The following CAMK2D variants were observed in gnomAD, a reference collection of about 807,000 sequenced individuals.
CAMK2D encodes calcium/calmodulin-dependent protein kinase type II subunit delta.
In CAMK2D, 37 loss-of-function variants were observed where a neutral mutation model predicts 84.0. That is an observed-to-expected ratio of 0.44 (90% CI 0.34 to 0.58). CAMK2D has a LOEUF of 0.58. Ranked by LOEUF, CAMK2D falls within the 20% of genes least tolerant of loss-of-function variation. The probability of loss-of-function intolerance (pLI) is 0.02; values close to 1 mark genes in which losing one functional copy is unlikely to be tolerated. For synonymous variants in CAMK2D, 202 were observed against 212.5 expected, an observed-to-expected ratio of 0.95 and a Z score of 0.43; for missense variants, 448 against 652.5, an observed-to-expected ratio of 0.69 and a Z score of 3.41.
At chr4:113,605,284 A>G (rs1292567961) in intron 4 of CAMK2D, among the ~76,000 whole-genome samples, 2 of 152,168 alleles carry the variant, frequency 1.3e-5, no homozygotes, top group South Asian at 2.1e-4. Flanking sequence ...TTGAAGCCCA[A>G]ATTCTTTTAA....
intron 4 of CAMK2D, among the ~76,000 whole-genome samples, chr4:113,603,398 T>A (rs1395910077): frequency 1.1e-4 from 12 of 112,672 alleles, no homozygotes; most frequent in African/African-American, 4.2e-4. Flanking sequence ...GTCCCCAGAG[T>A]GTGATGTTCC....
At chr4:113,508,113 C>G in intron 13 of CAMK2D, 1 of 682,342 alleles carries the variant, frequency 1.5e-6, no homozygotes, top group South Asian at 1.8e-5. Flanking sequence ...TGATAGTTGA[C>G]TAACACTGAC....
intron 4 of CAMK2D, among the ~76,000 whole-genome samples, chr4:113,587,296 T>C (rs1000210047): frequency 3.1e-4 from 47 of 152,152 alleles, no homozygotes; most frequent in African/African-American, 1.1e-3. Flanking sequence ...TTCACTCTTA[T>C]TAAGGCCAGA....
intron 3 of CAMK2D, among the ~76,000 whole-genome samples, chr4:113,661,102 G>A (rs899803587): frequency 6.6e-6 from 1 of 152,068 alleles, no homozygotes; most frequent in Non-Finnish European, 1.5e-5. Flanking sequence ...GCCTGTAGCT[G>A]AACAATTCTT....
intron 2 of CAMK2D, among the ~76,000 whole-genome samples, chr4:113,751,502 C>T (rs953284025): frequency 6.6e-6 from 1 of 152,070 alleles, no homozygotes; most frequent in Non-Finnish European, 1.5e-5. Context: ...CCAGGTGCGG[C>T]GGCTAACACC....
At chr4:113,646,698 A>C (rs543147855) in intron 3 of CAMK2D, among the ~76,000 whole-genome samples, 4 of 152,318 alleles carry the variant, frequency 2.6e-5, no homozygotes, top group South Asian at 4.1e-4. Flanking sequence ...TAAGATCAGA[A>C]GAACAATAAG....
At chr4:113,496,412 G>A (rs2097931566) in intron 16 of CAMK2D, among the ~76,000 whole-genome samples, 1 of 149,228 alleles carries the variant, frequency 6.7e-6, no homozygotes, top group East Asian at 2.0e-4. Context: ...GTGCTTCCAT[G>A]ATGGTAATTA....
At chr4:113,594,643 T>TTTGA (rs1304638065) in intron 4 of CAMK2D, among the ~76,000 whole-genome samples, 1 of 152,200 alleles carries the variant, frequency 6.6e-6, no homozygotes, top group Non-Finnish European at 1.5e-5. Context: ...GGAGAATGTC[T>TTTGA]TTGATAGGCT....
At chr4:113,577,764 T>G (rs1445743585) in intron 4 of CAMK2D, among the ~76,000 whole-genome samples, 1 of 152,134 alleles carries the variant, frequency 6.6e-6, no homozygotes, top group Non-Finnish European at 1.5e-5. Context: ...CTATTTTTTT[T>G]TTTTAGATCT....
At chr4:113,489,281 C>A (rs923477529) in intron 16 of CAMK2D, among the ~76,000 whole-genome samples, 1 of 116,172 alleles carries the variant, frequency 8.6e-6, no homozygotes, top group African/African-American at 3.1e-5. Flanking sequence ...CGATGCTATC[C>A]CTCCCCCCTC....
intron 2 of CAMK2D, among the ~76,000 whole-genome samples, chr4:113,742,486 G>A (rs1190343470): frequency 6.6e-6 from 1 of 151,054 alleles, no homozygotes; most frequent in Non-Finnish European, 1.5e-5. Flanking sequence ...GAATAATAAA[G>A]TGGAAAAAAC....
intron 16 of CAMK2D, among the ~76,000 whole-genome samples, chr4:113,469,109 A>C (rs2097515113): frequency 6.6e-6 from 1 of 152,176 alleles, no homozygotes; most frequent in South Asian, 2.1e-4. Flanking sequence ...CTCTTGTTCT[A>C]AGAGGCCTGG....
At chr4:113,661,924 A>C (rs1370709981) in intron 2 of CAMK2D, among the ~76,000 whole-genome samples, 152 bp from the exon 3 acceptor site, 1 of 152,182 alleles carries the variant, frequency 6.6e-6, no homozygotes, top group African/African-American at 2.4e-5. Context: ...AATTAAGTGA[A>C]TAGCACATAG....
intron 4 of CAMK2D, among the ~76,000 whole-genome samples, chr4:113,607,942 G>T (rs887702456): frequency 1.7e-4 from 26 of 152,238 alleles, no homozygotes; most frequent in Non-Finnish European, 5.9e-5. Flanking sequence ...ATTTGTCAAT[G>T]CCAGTTGTAA....
intron 4 of CAMK2D, among the ~76,000 whole-genome samples, chr4:113,567,866 GTT>G (rs1342600577): frequency 6.6e-6 from 1 of 152,136 alleles, no homozygotes; most frequent in African/African-American, 2.4e-5. Flanking sequence ...ATAAACATTA[GTT>G]ATAATTATTA....
intron 17 of CAMK2D, among the ~76,000 whole-genome samples, chr4:113,462,322 G>GTCTATCTATCTA (rs1193252796): frequency 5.7e-5 from 7 of 123,422 alleles, no homozygotes; most frequent in East Asian, 2.1e-4. Context: ...CTGTCTGTCT[G>GTCTATCTATCTA]TCTGTCTGTC....
At chr4:113,531,755 T>TGCAG (rs2098459867) in intron 7 of CAMK2D, among the ~76,000 whole-genome samples, 1 of 152,138 alleles carries the variant, frequency 6.6e-6, no homozygotes, top group South Asian at 2.1e-4. Context: ...AAAGAGAAGA[T>TGCAG]GCAGGAATAT....
At chr4:113,480,868 G>C (rs1049946980) in intron 16 of CAMK2D, among the ~76,000 whole-genome samples, 1 of 152,020 alleles carries the variant, frequency 6.6e-6, no homozygotes, top group Non-Finnish European at 1.5e-5. Flanking sequence ...TTGAGGGATT[G>C]GCTAGTCCCT....
intron 2 of CAMK2D, among the ~76,000 whole-genome samples, chr4:113,747,919 C>A (rs141224223): frequency 6.6e-6 from 1 of 152,264 alleles, no homozygotes; most frequent in East Asian, 1.9e-4. Context: ...AAGTCTATCA[C>A]CAAGAGTTAG....
Sources: gnomAD v4.1 joint callset for allele counts (sites outside exome capture counted in the v4.1 genomes callset) on GRCh38, gnomAD v4.1.1 for gene constraint, MANE v1.5 for transcripts, NCBI Gene and HGNC (gene_info 2026-07-23, HGNC 2026-07-21) for gene names.